The following CNOT6L variants were observed in gnomAD, a reference collection of about 807,000 sequenced individuals.
The protein encoded by CNOT6L is CCR4-NOT transcription complex subunit 6-like.
A neutral mutation model predicts 64.0 loss-of-function variants in CNOT6L; 7 were observed. That is an observed-to-expected ratio of 0.11 (90% confidence interval 0.06 to 0.21). The LOEUF is 0.21. Ranked by LOEUF, CNOT6L falls within the 10% of genes least tolerant of loss-of-function variation. CNOT6L has a pLI of 1.00. For synonymous variants in CNOT6L, 193 were observed against 243.4 expected, an observed-to-expected ratio of 0.79 and a Z score of 1.93; for missense variants, 245 against 669.0, an observed-to-expected ratio of 0.37 and a Z score of 6.99.
At chr4:77,801,415 G>A (rs1395256883) in intron 1 of CNOT6L, among the ~76,000 whole-genome samples, 1 of 152,054 alleles carries the variant, frequency 6.6e-6, no homozygotes, top group Non-Finnish European at 1.5e-5. Flanking sequence ...TTCCTGTTTT[G>A]TTACTTAAAA....
intron 4 of CNOT6L, among the ~76,000 whole-genome samples, chr4:77,772,310 G>A (rs1184791485): frequency 2.0e-5 from 3 of 151,898 alleles, no homozygotes; most frequent in Non-Finnish European, 2.9e-5. Flanking sequence ...TCGGCTCCCC[G>A]CAACCTCTGC....
intron 3 of CNOT6L, 21 bp from the exon 4 acceptor site, chr4:77,773,187 AAAT>A: frequency 6.8e-7 from 1 of 1,464,392 alleles, no homozygotes; most frequent in Non-Finnish European, 9.2e-7. Flanking sequence ...AAAAAAAAAA[AAAT>A]TAGTTTAATA....
chr4:77,799,565 C>T (rs1267779733), intron 1 of CNOT6L, among the ~76,000 whole-genome samples: 5 of 151,758 alleles, frequency 3.3e-5, no homozygotes, highest in Admixed American at 6.6e-5. Context: ...ATTAGCTGGG[C>T]GTGGTGGTGG....
chr4:77,731,287 C>T, intron 9 of CNOT6L, 100 bp downstream of exon 9: 1 of 1,088,864 alleles, frequency 9.2e-7, no homozygotes, highest in Non-Finnish European at 1.3e-6. Flanking sequence ...AAGAAAATAA[C>T]TTTGCAATAA....
intron 1 of CNOT6L, chr4:77,819,072 A>ACACACACACACACACACACACACACC: frequency 1.4e-6 from 1 of 729,840 alleles, no homozygotes; most frequent in Non-Finnish European, 2.4e-6. Context: ...ACACACACAC[A>ACACACACACACACACACACACACACC]CACCCCGGAA....
chr4:77,732,586 G>A (rs755722171), intron 8 of CNOT6L, among the ~76,000 whole-genome samples: 5 of 151,998 alleles, frequency 3.3e-5, no homozygotes, highest in Admixed American at 6.6e-5. Flanking sequence ...AATTCTGAAC[G>A]TGTCAGCTGG....
rs1236871910 is a variant in CNOT6L at position 77,717,710 on chromosome 4, T to C, written c.*2721A>G. On this transcript the variant is annotated 3_prime_UTR_variant, in exon 12 of 12. Transcript: ENST00000504123. ...AAAGCAGCATTTCTGATCATCTGAA[T>C]TGGCAGCTCAAAACAGATACCACTC... The C allele has an allele frequency of 2.0e-5, 3 of 152,472 alleles. No homozygotes were observed. The highest frequency in any genetic ancestry group is 4.8e-5 in the African/African-American group (2 of 41,392). 9.4% of individuals were successfully genotyped at this position (152,472 alleles called of 1,614,324 possible). A position where few individuals can be genotyped will look rare whatever the true frequency, so the allele number is the denominator to read the frequency against.
intron 9 of CNOT6L, 85 bp downstream of exon 9, chr4:77,731,302 C>T (rs1053311393): frequency 3.2e-5 from 42 of 1,326,766 alleles, no homozygotes; most frequent in African/African-American, 5.9e-5. Context: ...CAATAAATAA[C>T]GGCAAAATTC....
intron 4 of CNOT6L, among the ~76,000 whole-genome samples, chr4:77,759,281 T>A (rs1577955577): frequency 6.6e-6 from 1 of 151,484 alleles, no homozygotes. Flanking sequence ...CGAGATGGGT[T>A]GTGGCTGGGC....
At chr4:77,738,484 T>C (rs1466086918) in intron 8 of CNOT6L, among the ~76,000 whole-genome samples, 2 of 152,150 alleles carry the variant, frequency 1.3e-5, no homozygotes, top group Non-Finnish European at 2.9e-5. Flanking sequence ...CCAGGCGCGG[T>C]TGCTCACGCC....
At chr4:77,722,027 A>G (rs1198244019) in intron 11 of CNOT6L, among the ~76,000 whole-genome samples, 1 of 152,036 alleles carries the variant, frequency 6.6e-6, no homozygotes, top group Non-Finnish European at 1.5e-5. Context: ...TTACTTTACC[A>G]CAAATTAAGG....
chr4:77,819,403 C>G, upstream of CNOT6L: 1 of 1,604,972 alleles, frequency 6.2e-7, no homozygotes, highest in Non-Finnish European at 8.5e-7. Flanking sequence ...CAGGCCCCCA[C>G]AGATGCTTCC....
chr4:77,756,166 TAGAG>T (rs1165376068), intron 5 of CNOT6L, among the ~76,000 whole-genome samples: 1 of 152,074 alleles, frequency 6.6e-6, no homozygotes, highest in African/African-American at 2.4e-5. Context: ...GTATGTTTAG[TAGAG>T]ACGTTTCACC....
intron 4 of CNOT6L, among the ~76,000 whole-genome samples, chr4:77,760,321 G>A (rs1278439200): frequency 6.6e-6 from 1 of 152,082 alleles, no homozygotes; most frequent in East Asian, 1.9e-4. Context: ...GCTACAGTGA[G>A]CTATGATAAG....
intron 4 of CNOT6L, among the ~76,000 whole-genome samples, chr4:77,758,073 C>A (rs1355534816): frequency 6.6e-6 from 1 of 152,090 alleles, no homozygotes; most frequent in Non-Finnish European, 1.5e-5. Context: ...TACTTCAATT[C>A]AATTACTGGT....
At chr4:77,756,828 G>C (rs755619261) in intron 5 of CNOT6L, 34 bp downstream of exon 5, 4 of 1,330,112 alleles carry the variant, frequency 3.0e-6, no homozygotes, top group East Asian at 2.3e-5. Context: ...AATATCTGTA[G>C]AATTTATTTT....
At chr4:77,790,741 G>A (rs1009461922) in intron 1 of CNOT6L, among the ~76,000 whole-genome samples, 4 of 150,626 alleles carry the variant, frequency 2.7e-5, no homozygotes, top group Non-Finnish European at 4.4e-5. Context: ...TTGCTCTGTC[G>A]CCCAGGCTAG....
chr4:77,806,054 CT>C (rs1235718257), intron 1 of CNOT6L, among the ~76,000 whole-genome samples: 1 of 152,132 alleles, frequency 6.6e-6, no homozygotes, highest in East Asian at 1.9e-4. Context: ...TATATTTTAA[CT>C]TTTTTTAAAA....
chr4:77,740,451 C>T (rs942694574), intron 8 of CNOT6L, among the ~76,000 whole-genome samples: 1 of 152,042 alleles, frequency 6.6e-6, no homozygotes, highest in Non-Finnish European at 1.5e-5. Context: ...TTAGTGATAT[C>T]AAAAGCTCAA....
Sources: allele counts gnomAD v4.1 joint callset (sites outside exome capture counted in the v4.1 genomes callset), GRCh38; gene constraint gnomAD v4.1.1; transcripts MANE v1.5; gene names NCBI Gene and HGNC (gene_info 2026-07-23, HGNC 2026-07-21).